Variants in TMEM45B observed in about 807,000 individuals in gnomAD.
TMEM45B encodes the protein transmembrane protein 45B.
Under a neutral mutation model 27.3 loss-of-function variants are expected in TMEM45B, and 29 were observed. That is an observed-to-expected ratio of 1.06 (90% CI 0.79 to 1.45). TMEM45B has a LOEUF of 1.45. Among genes scored for constraint, TMEM45B ranks in the 40% most tolerant of loss-of-function variants. The probability of loss-of-function intolerance (pLI) is 0.00; values close to 1 mark genes in which losing one functional copy is unlikely to be tolerated. For missense variants in TMEM45B, 348 were observed against 343.9 expected, an observed-to-expected ratio of 1.01 and a Z score of -0.09; for synonymous variants, 143 against 134.7, an observed-to-expected ratio of 1.06 and a Z score of -0.43.
chr11:129,818,035 C>T (rs1735429452), intron 1 of TMEM45B, among the ~76,000 whole-genome samples: 1 of 152,166 alleles, frequency 6.6e-6, no homozygotes, highest in Non-Finnish European at 1.5e-5. Flanking sequence ...AAGACAAACA[C>T]TAGATTATTC....
At position 129,853,578 on chromosome 11, in the gene TMEM45B, C is replaced by T. The variant is rs78655087; in HGVS notation, c.178+918C>T. On this transcript the variant is annotated intron_variant, in intron 2 of 5. Transcript: ENST00000281441. ...CAACCTTGCCTAAATAAAGCTAGGACAATTACAATATTTGGCCCCTTGACT... is the reference window on the plus strand; with the variant it reads ...CAACCTTGCCTAAATAAAGCTAGGATAATTACAATATTTGGCCCCTTGACT... Among the ~76,000 whole-genome samples the T allele has an allele frequency of 7.4e-3, 1,131 of 152,252 alleles. 17 individuals carry two copies. The highest frequency in any genetic ancestry group is 0.023 in the African/African-American group (976 of 41,536).
chr11:129,852,593 C>A lies in TMEM45B; in HGVS notation c.111C>A (p.Ser37Arg). 1 of 1,613,854 alleles carries A rather than the reference C, an allele frequency of 6.2e-7. No individual in the cohort carries two copies. The highest frequency in any genetic ancestry group is 1.1e-5 in the South Asian group (1 of 91,080). The change falls in exon 2 of 6, where the codon AGC becomes AGA. Residue 37 changes from serine (S) to arginine (R), a missense_variant. Physicochemically the swap from Ser to Arg is moderately radical, Grantham distance 110 (BLOSUM62 -1). Transcript: ENST00000281441. ...LKYFSHTRKNSPLHYYQRLEI... is the reference protein window; with the variant it reads ...LKYFSHTRKNRPLHYYQRLEI... ...ACTTTAGCCACACGCGGAAGAACAG[C>A]CCACTACATTACTATCAGCGTCTCG... is the stretch of plus-strand genomic sequence containing the variant.
chr11:129,829,164 G>A (rs1947520537), intron 1 of TMEM45B, among the ~76,000 whole-genome samples: 1 of 152,092 alleles, frequency 6.6e-6, no homozygotes, highest in Non-Finnish European at 1.5e-5. Flanking sequence ...GGCAAAACCA[G>A]GACTGAACTT....
chr11:129,846,403 T>C (rs1338361284), intron 1 of TMEM45B, among the ~76,000 whole-genome samples: 3 of 151,926 alleles, frequency 2.0e-5, no homozygotes, highest in Non-Finnish European at 4.4e-5. Flanking sequence ...TAGGTGGAAG[T>C]TGCAGTGAGC....
intron 1 of TMEM45B, among the ~76,000 whole-genome samples, chr11:129,848,240 C>T (rs1258356602): frequency 6.6e-6 from 1 of 152,160 alleles, no homozygotes; most frequent in East Asian, 1.9e-4. Flanking sequence ...ACTGAGTGAA[C>T]GAGACTCCGT....
intron 4 of TMEM45B, 120 bp downstream of exon 4, chr11:129,856,012 A>G: frequency 8.2e-7 from 1 of 1,213,752 alleles, no homozygotes; most frequent in South Asian, 1.5e-5. Context: ...CATGCCATGC[A>G]AAGGGGTTTA....
chr11:129,852,707 A>G (rs373114327), intron 2 of TMEM45B, 47 bp downstream of exon 2: 451 of 1,546,712 alleles, frequency 2.9e-4, no homozygotes, highest in Non-Finnish European at 3.7e-4. Context: ...CATCATACCC[A>G]GAACCTTTAA....
intron 1 of TMEM45B, among the ~76,000 whole-genome samples, chr11:129,828,550 C>G (rs1384214338): frequency 6.6e-6 from 1 of 152,208 alleles, no homozygotes; most frequent in Non-Finnish European, 1.5e-5. Flanking sequence ...ACAGAACTCT[C>G]TGCTTCCCCT....
chr11:129,832,587 CG>C (rs1374068660), intron 1 of TMEM45B, among the ~76,000 whole-genome samples: 1 of 117,644 alleles, frequency 8.5e-6, no homozygotes, highest in Non-Finnish European at 1.9e-5. Flanking sequence ...TATGGGATTT[CG>C]TGGGGGGTTG....
At chr11:129,835,770 G>T (rs1223945153) in intron 1 of TMEM45B, among the ~76,000 whole-genome samples, 2 of 152,308 alleles carry the variant, frequency 1.3e-5, no homozygotes, top group African/African-American at 4.8e-5. Flanking sequence ...GGAAGGCAGG[G>T]CCACCCTGTG....
At chr11:129,833,017 G>A (rs937065185) in intron 1 of TMEM45B, among the ~76,000 whole-genome samples, 22 of 152,070 alleles carry the variant, frequency 1.4e-4, no homozygotes, top group Non-Finnish European at 2.4e-4. Context: ...CGAGGCAGGC[G>A]GATCACCTGA....
rs1349099291 is a variant in TMEM45B, at chr11:129,815,909, C to G, written c.-9+11C>G. 1 of 1,272,318 alleles carries G rather than the reference C, an allele frequency of 7.9e-7. No homozygotes were observed. The highest frequency in any genetic ancestry group is 1.6e-5 in the African/African-American group (1 of 64,502). The allele number at this position is 1,272,318 out of a possible 1,614,324, so 78.8% of individuals were successfully genotyped here. On this transcript the variant is annotated intron_variant, in intron 1 of 5. Transcript: ENST00000281441. The stretch of plus-strand genomic sequence containing the variant: ...AGGCGCTGGGCACAGGTCAGACGTC[C>G]GTACCCGCAGGGGGCTCGAACCTGG...
At chr11:129,849,674 G>A (rs1459162951) in intron 1 of TMEM45B, among the ~76,000 whole-genome samples, 1 of 152,174 alleles carries the variant, frequency 6.6e-6, no homozygotes, top group Non-Finnish European at 1.5e-5. Flanking sequence ...GCGCCCTCTG[G>A]AGCAGTGGCC....
rs1947865331 is a variant in TMEM45B at position 129,852,662 on chromosome 11, TAAGAGCA to T, written c.178+3_178+9del. On this transcript the variant is annotated splice_donor_5th_base_variant and intron_variant, in intron 2 of 5. Coordinates refer to ENST00000281441, the MANE Select transcript of TMEM45B (RefSeq NM_138788.5). ...TTAGGACTTTGTTTTCCGTCACTGG[TAAGAGCA>T]GGGGTCATTTGGTCTAGGGAATCTC... The T allele has an allele frequency of 1.2e-6, 2 of 1,601,480 alleles. No homozygotes were observed.
chr11:129,849,220 C>G (rs1479291943), intron 1 of TMEM45B, among the ~76,000 whole-genome samples: 2 of 152,200 alleles, frequency 1.3e-5, no homozygotes, highest in South Asian at 2.1e-4. Flanking sequence ...TTCTCTCCAG[C>G]TGTGAGCCTG....
At chr11:129,852,713 T>G (rs1437360768) in intron 2 of TMEM45B, 53 bp downstream of exon 2, 1 of 1,531,268 alleles carries the variant, frequency 6.5e-7, no homozygotes, top group African/African-American at 1.4e-5. Flanking sequence ...ACCCAGAACC[T>G]TTAATTCATT....
At chr11:129,856,011 C>G in intron 4 of TMEM45B, 119 bp downstream of exon 4, 1 of 1,222,242 alleles carries the variant, frequency 8.2e-7, no homozygotes, top group Non-Finnish European at 1.1e-6. Context: ...ACATGCCATG[C>G]AAAGGGGTTT....
chr11:129,857,551 C>G lies in TMEM45B; in HGVS notation c.716+93C>G, dbSNP rs1040070766. The G allele has an allele frequency of 2.8e-6, 4 of 1,438,912 alleles. No homozygotes were observed. The Admixed American group carries it at 5.2e-5, about 19-fold the overall frequency. The allele number at this position is 1,438,912 out of a possible 1,614,324, so 89.1% of individuals were successfully genotyped here. On this transcript the variant is annotated intron_variant, in intron 5 of 5. Transcript: ENST00000281441. ...CCATCTGATGAGTGCCGACTACAGG[C>G]CAAATTCTGTGCAAGGTACTCTCAT...
intron 1 of TMEM45B, among the ~76,000 whole-genome samples, chr11:129,830,231 G>GT (rs1947532057): frequency 6.6e-6 from 1 of 152,226 alleles, no homozygotes; most frequent in South Asian, 2.1e-4. Context: ...GGAGGCTGAG[G>GT]TGGGAGAATT....
Sources: gnomAD v4.1 joint callset for allele counts (sites outside exome capture counted in the v4.1 genomes callset) on GRCh38, gnomAD v4.1.1 for gene constraint, MANE v1.5 for transcripts, NCBI Gene and HGNC (gene_info 2026-07-23, HGNC 2026-07-21) for gene names.